The following SPECC1 variants were observed in gnomAD, a reference collection of about 807,000 sequenced individuals.
SPECC1 encodes cytospin-B.
A neutral mutation model predicts 104.1 loss-of-function variants in SPECC1; 62 were observed. The ratio of observed to expected loss-of-function variants is 0.60; its 90% CI spans 0.49 to 0.74. The LOEUF is 0.74. SPECC1 is among the 30% of genes least tolerant of loss of function. The pLI is 0.00. For missense variants in SPECC1, 1,306 were observed against 1,310.5 expected, an observed-to-expected ratio of 1.00 and a Z score of 0.05; for synonymous variants, 513 against 501.6, an observed-to-expected ratio of 1.02 and a Z score of -0.30.
rs2042069961 is a variant in SPECC1 at position 20,318,776 on chromosome 17, T to G, written c.*4711T>G. ...TTCACGGGGCATTTCACTCCTCTGA[T>G]CCAGGTTAGAATTTTGCTAAATCTG... On this transcript the variant is annotated 3_prime_UTR_variant, in exon 15 of 15. Coordinates refer to ENST00000395527, the MANE Select transcript of SPECC1 (RefSeq NM_001243439.2). 4.6e-6 allele frequency: 1 copy of G among 216,408 alleles called. No individual in the cohort carries two copies. The highest frequency in any genetic ancestry group is 9.3e-6 in the Non-Finnish European group (1 of 107,508). 13.4% of individuals were successfully genotyped at this position (216,408 alleles called of 1,614,324 possible).
chr17:20,134,690 A>G (rs1024380243), intron 3 of SPECC1, among the ~76,000 whole-genome samples: 4 of 152,096 alleles, frequency 2.6e-5, no homozygotes, highest in Non-Finnish European at 5.9e-5. Context: ...GGTTCAAGCC[A>G]TCCTCCTGCC....
intron 12 of SPECC1, among the ~76,000 whole-genome samples, chr17:20,262,204 G>A (rs1332865268): frequency 1.3e-5 from 2 of 152,016 alleles, no homozygotes; most frequent in African/African-American, 4.8e-5. Flanking sequence ...TTATCCATTC[G>A]ATTATTGATG....
intron 2 of SPECC1, among the ~76,000 whole-genome samples, chr17:20,106,583 C>T (rs1342218286): frequency 6.6e-6 from 1 of 152,174 alleles, no homozygotes; most frequent in African/African-American, 2.4e-5. Context: ...CTGCTGTTCT[C>T]ATGATAGTGA....
rs138916325 is a variant in SPECC1 at position 20,173,735 on chromosome 17, G to T, written c.284-30598G>T. On this transcript the variant is annotated intron_variant, in intron 3 of 14. Transcript: ENST00000395527. The stretch of plus-strand genomic sequence containing the variant: ...TTGTGTGAATGCTGATTCAGTCTTT[G>T]TGAAAGTACAGTCCACAGGACACAA... Among the ~76,000 whole-genome samples, 75 of 152,308 alleles carry T rather than the reference G, an allele frequency of 4.9e-4. 1 individual carries two copies. In the East Asian group the frequency reaches 6.7e-3, roughly 14 times the overall value.
At chr17:20,230,905 C>T (rs2038533346) in intron 5 of SPECC1, among the ~76,000 whole-genome samples, 2 of 152,290 alleles carry the variant, frequency 1.3e-5, no homozygotes, top group South Asian at 2.1e-4. Context: ...CTCAGTCCCA[C>T]TAGAACTAGA....
chr17:20,218,579 C>G (rs757810162), intron 4 of SPECC1, among the ~76,000 whole-genome samples: 4 of 152,100 alleles, frequency 2.6e-5, no homozygotes, highest in Non-Finnish European at 4.4e-5. Flanking sequence ...GGCTGTTTCT[C>G]TCTCTCTTCT....
At chr17:20,059,876 A>G (rs1272799768) in intron 1 of SPECC1, among the ~76,000 whole-genome samples, 1 of 152,132 alleles carries the variant, frequency 6.6e-6, no homozygotes, top group Non-Finnish European at 1.5e-5. Flanking sequence ...AACAAAACAA[A>G]ACAAAGCAAA....
chr17:20,161,541 G>A (rs1165091441), intron 3 of SPECC1, among the ~76,000 whole-genome samples: 1 of 152,164 alleles, frequency 6.6e-6, no homozygotes, highest in Non-Finnish European at 1.5e-5. Context: ...GGAGAACCAG[G>A]TAGTATGTTT....
At chr17:20,016,582 C>A (rs1451186479) in intron 1 of SPECC1, among the ~76,000 whole-genome samples, 1 of 152,210 alleles carries the variant, frequency 6.6e-6, no homozygotes. Context: ...CCGGCCCCAA[C>A]GGCCCCAGGC....
chr17:20,092,394 T>C (rs760122437), intron 1 of SPECC1, among the ~76,000 whole-genome samples: 1 of 151,628 alleles, frequency 6.6e-6, no homozygotes, highest in Non-Finnish European at 1.5e-5. Flanking sequence ...AAGAAAACGA[T>C]TACTCAGCTA....
At chr17:20,078,057 T>C (rs2046829798) in intron 1 of SPECC1, among the ~76,000 whole-genome samples, 1 of 151,834 alleles carries the variant, frequency 6.6e-6, no homozygotes, top group South Asian at 2.1e-4. Context: ...GATGACTCTA[T>C]ATACATGAGT....
At chr17:20,278,422 G>A (rs1311881158) in intron 12 of SPECC1, among the ~76,000 whole-genome samples, 1 of 152,166 alleles carries the variant, frequency 6.6e-6, no homozygotes, top group Non-Finnish European at 1.5e-5. Flanking sequence ...GTGGAACTGG[G>A]AAGACTGGAA....
Position 20,239,322 on chromosome 17 carries a change from C to T in SPECC1, c.2352-6604C>T, listed in dbSNP as rs180926200. On this transcript the variant is annotated intron_variant, in intron 7 of 14. Transcript: ENST00000395527. ...TAATCTTTCTTCTCCCTCAGTACCA[C>T]CTGTGAGGAAATCAGTGTTAACAGT... 2.0e-4 allele frequency: 199 copies of T among 1,005,338 alleles called. No homozygotes were observed. The Admixed American group carries it at 3.0e-3, about 15-fold the overall frequency. 62.3% of individuals were successfully genotyped at this position (1,005,338 alleles called of 1,614,324 possible).
chr17:20,107,684 C>T (rs1388557880), intron 2 of SPECC1, among the ~76,000 whole-genome samples: 5 of 151,764 alleles, frequency 3.3e-5, no homozygotes, highest in African/African-American at 1.2e-4. Flanking sequence ...CTCGAACTCA[C>T]CTGGCTAATT....
chr17:20,144,518 C>A (rs1162285516), intron 3 of SPECC1, among the ~76,000 whole-genome samples: 1 of 152,168 alleles, frequency 6.6e-6, no homozygotes, highest in East Asian at 1.9e-4. Flanking sequence ...CCCATTGGTA[C>A]CCCTAGACTT....
chr17:20,066,014 A>G (rs969856468), intron 1 of SPECC1, among the ~76,000 whole-genome samples: 1 of 152,226 alleles, frequency 6.6e-6, no homozygotes, highest in Admixed American at 6.5e-5. Context: ...ATCTGTATCT[A>G]TATCTATCTA....
At chr17:20,204,200 T>A in intron 3 of SPECC1, 133 bp from the exon 4 acceptor site, 1 of 1,131,926 alleles carries the variant, frequency 8.8e-7, no homozygotes, top group South Asian at 1.6e-5. Context: ...ACTGGGTAAT[T>A]AGCTAGAGGA....
chr17:20,090,439 C>T (rs150336754), intron 1 of SPECC1, among the ~76,000 whole-genome samples: 4 of 152,152 alleles, frequency 2.6e-5, no homozygotes, highest in African/African-American at 9.7e-5. Flanking sequence ...GCGTCCCAGG[C>T]AGAGGCAGTT....
At chr17:20,275,327 T>G (rs2040540790) in intron 12 of SPECC1, among the ~76,000 whole-genome samples, 1 of 152,198 alleles carries the variant, frequency 6.6e-6, no homozygotes, top group Non-Finnish European at 1.5e-5. Context: ...GTTGGTTGCT[T>G]TGGTATAAAT....
Sources: allele counts gnomAD v4.1 joint callset (sites outside exome capture counted in the v4.1 genomes callset), GRCh38; gene constraint gnomAD v4.1.1; transcripts MANE v1.5; gene names NCBI Gene and HGNC (gene_info 2026-07-23, HGNC 2026-07-21).